NDUFB7: variants seen among roughly 807,000 people sequenced by gnomAD.
NDUFB7 encodes NADH dehydrogenase [ubiquinone] 1 beta subcomplex subunit 7.
In NDUFB7, 18 loss-of-function variants were observed where a neutral mutation model predicts 14.7. That is an observed-to-expected ratio of 1.22 (90% CI 0.85 to 1.81). NDUFB7 has a LOEUF of 1.81. NDUFB7 is among the 40% of genes most tolerant of loss of function. The probability of loss-of-function intolerance (pLI) is 0.00; values close to 1 mark genes in which losing one functional copy is unlikely to be tolerated. For missense variants in NDUFB7, 219 were observed against 195.0 expected (o/e 1.12, Z -0.73); for synonymous variants, 86 against 76.1 (o/e 1.13, Z -0.68).
At chr19:14,566,457 G>C (rs113437528) in intron 2 of NDUFB7, among the ~76,000 whole-genome samples, 192 bp from the exon 3 acceptor site, 4,979 of 151,904 alleles carry the variant, frequency 0.033, 271 homozygotes, top group African/African-American at 0.11. Context: ...CCTGGGCTTG[G>C]CCACTCCCCT....
chr19:14,569,156 A>G (rs2074110141), intron 1 of NDUFB7, among the ~76,000 whole-genome samples: 1 of 151,824 alleles, frequency 6.6e-6, no homozygotes, highest in Non-Finnish European at 1.5e-5. Context: ...GGAAAGGAGG[A>G]AAGAGAGGGC....
rs2074102224 is a variant in NDUFB7, at chr19:14,567,811, C to T, written c.113-878G>A. Among the ~76,000 whole-genome samples the T allele has an allele frequency of 6.6e-6, 1 of 152,148 alleles. No homozygotes were observed. Among genetic ancestry groups the T allele is most frequent in the African/African-American group, 2.4e-5 (1 of 41,436 alleles). ...GCTGGCTTCTCTCCCCTTTGCTTCC[C>T]AGCTGCGATTCTCTCATCCCACTGA... On this transcript the variant is annotated intron_variant, in intron 1 of 2. Coordinates refer to ENST00000215565, the MANE Select transcript of NDUFB7 (RefSeq NM_004146.6). The surrounding 1 kb of genome is among the most constrained non-coding windows in gnomAD (Gnocchi z 5.1).
In NDUFB7 at chr19:14,566,753, G is replaced by T. The variant is rs1020070816; in HGVS notation, c.281+12C>A. 1.9e-6 allele frequency: 3 copies of T among 1,540,314 alleles called. No homozygotes were observed. Among genetic ancestry groups the T allele is most frequent in the Non-Finnish European group, 2.6e-6 (3 of 1,145,310 alleles). ...GGGCCGGGGTGTTGGGGGCTGGTGT[G>T]GGGGTGCTCACTCGCGGTGCTCGCA... On this transcript the variant is annotated intron_variant, in intron 2 of 2. Transcript: ENST00000215565.
At position 14,572,037 on chromosome 19, in the gene NDUFB7, G is replaced by A. The variant is rs755855447; in HGVS notation, c.-37C>T. Reference sequence around the variant, plus strand: ...CTGCAGATCCCTGCAGCAGCCGAGGGTCACCTAGCTCCTACCCGGAACCAC... The same window carrying A: ...CTGCAGATCCCTGCAGCAGCCGAGGATCACCTAGCTCCTACCCGGAACCAC... On this transcript the variant is annotated 5_prime_UTR_variant, in exon 1 of 3. Transcript: ENST00000215565. 3.3e-6 allele frequency: 5 copies of A among 1,501,916 alleles called. No individual in the cohort carries two copies. Among genetic ancestry groups the A allele is most frequent in the Middle Eastern group, 1.8e-4 (1 of 5,538 alleles). 93.0% of individuals were successfully genotyped at this position (1,501,916 alleles called of 1,614,324 possible).
chr19:14,566,415 G>T, intron 2 of NDUFB7, 150 bp from the exon 3 acceptor site: 1 of 1,330,104 alleles, frequency 7.5e-7, no homozygotes, highest in Non-Finnish European at 1.0e-6. Context: ...TCTGGGGTCT[G>T]CCCACGCAGG....
intron 1 of NDUFB7, among the ~76,000 whole-genome samples, chr19:14,568,423 C>T (rs2074106095): frequency 6.6e-6 from 1 of 152,166 alleles, no homozygotes. Context: ...TCGCTTGAGC[C>T]CCAGGCCTGG....
intron 1 of NDUFB7, among the ~76,000 whole-genome samples, chr19:14,570,639 C>T (rs1412731005): frequency 6.6e-6 from 1 of 152,170 alleles, no homozygotes; most frequent in Non-Finnish European, 1.5e-5. Context: ...GACCGGCCAC[C>T]CTTCACGTCT....
chr19:14,566,834 C>G lies in NDUFB7; in HGVS notation c.212G>C (p.Arg71Pro). The G allele has an allele frequency of 2.6e-6, 4 of 1,556,824 alleles. No homozygotes were observed. Among genetic ancestry groups the G allele is most frequent in the South Asian group, 1.2e-5 (1 of 84,730 alleles). ...GGCCAGGAAGTTGGGGAAGCTGTCA[C>G]GCTTGCACTTGAGCAGCCGGATGAG... is the stretch of plus-strand genomic sequence containing the variant. ...HHLIRLLKCK[R>P]DSFPNFLACK... The change falls in exon 2 of 3, where the codon CGT becomes CCT. Residue 71 changes from arginine to proline, a missense_variant. By Grantham distance (103) the Arg-to-Pro change is moderately radical. Coordinates refer to ENST00000215565, the MANE Select transcript of NDUFB7 (RefSeq NM_004146.6).
chr19:14,569,569 G>A (rs2074112782), intron 1 of NDUFB7, among the ~76,000 whole-genome samples: 3 of 152,176 alleles, frequency 2.0e-5, no homozygotes, highest in Non-Finnish European at 4.4e-5. Flanking sequence ...AAGGGCAGCA[G>A]GTTGCTAGCG....
intron 1 of NDUFB7, among the ~76,000 whole-genome samples, chr19:14,570,072 A>G (rs544335804): frequency 1.3e-5 from 2 of 150,988 alleles, no homozygotes; most frequent in African/African-American, 4.9e-5. Flanking sequence ...TTGTATTTTT[A>G]GTAGAGTAGA....
chr19:14,567,751 G>A lies in NDUFB7; in HGVS notation c.113-818C>T, dbSNP rs1004670747. 2.6e-5 allele frequency among the ~76,000 whole-genome samples: 4 copies of A among 151,958 alleles called. No individual in the cohort carries two copies. The highest frequency in any genetic ancestry group is 5.9e-5 in the Non-Finnish European group (4 of 68,006). On this transcript the variant is annotated intron_variant, in intron 1 of 2. Transcript: ENST00000215565. This position sits in a 1 kb window ranked among gnomAD's most constrained non-coding sequence, Gnocchi z 5.1. ...TCCTTCCCATCTGCGCAAGTGAGACGAGATATATTCACATCTCAATGGCAG... is the reference window on the plus strand; with the variant it reads ...TCCTTCCCATCTGCGCAAGTGAGACAAGATATATTCACATCTCAATGGCAG...
rs558584053 is a variant in NDUFB7 at position 14,568,219 on chromosome 19, A to T, written c.113-1286T>A. 2.1e-3 allele frequency among the ~76,000 whole-genome samples: 322 copies of T among 152,142 alleles called. 1 individual carries two copies. The highest frequency in any genetic ancestry group is 3.9e-3 in the Non-Finnish European group (262 of 67,984). ...GCCACCATGCCCGACTAATTTTTGTATTTTTAGTAGAGATGGGGTTTCGCC... is the reference window on the plus strand; with the variant it reads ...GCCACCATGCCCGACTAATTTTTGTTTTTTTAGTAGAGATGGGGTTTCGCC... On this transcript the variant is annotated intron_variant, in intron 1 of 2. Transcript: ENST00000215565.
rs1290523993 is a variant in NDUFB7 at position 14,566,890 on chromosome 19, C to A, written c.156G>T (p.Arg52Ser). 1.9e-6 allele frequency: 3 copies of A among 1,582,560 alleles called. No individual in the cohort carries two copies. The highest frequency in any genetic ancestry group is 2.6e-6 in the Non-Finnish European group (3 of 1,167,614). ...GGGCGCAGTAGTCCCGCAGCTGGAG[C>A]CTCAGCTGCGCGTCCATCATCTCCT... ...TQQEMMDAQL[R>S]LQLRDYCAHH... Residue 52 changes from arginine to serine, a missense_variant, in exon 2 of 3, where the codon AGG (arginine) becomes AGT (serine). Coordinates refer to ENST00000215565, the MANE Select transcript of NDUFB7 (RefSeq NM_004146.6).
chr19:14,569,905 T>C (rs2074115413), intron 1 of NDUFB7, among the ~76,000 whole-genome samples: 1 of 152,040 alleles, frequency 6.6e-6, no homozygotes, highest in South Asian at 2.1e-4. Context: ...TTTTGTTTTG[T>C]TTTTTCAGAC....
chr19:14,571,708 G>C (rs1378040632), intron 1 of NDUFB7, among the ~76,000 whole-genome samples, 181 bp downstream of exon 1: 2 of 152,238 alleles, frequency 1.3e-5, no homozygotes, highest in Non-Finnish European at 2.9e-5. Flanking sequence ...CGTGCCCTTG[G>C]GCTGGAACGC....
chr19:14,566,272 G>A lies in NDUFB7; in HGVS notation c.282-7C>T. The A allele has an allele frequency of 1.2e-6, 2 of 1,613,846 alleles. No homozygotes were observed. Among genetic ancestry groups the A allele is most frequent in the Non-Finnish European group, 1.7e-6 (2 of 1,179,994 alleles). ...CTTCATGCGCATCACATAGCTGGGGGAAAAGCACGAGAGGGGCTGTCAGGG... is the reference window on the plus strand; with the variant it reads ...CTTCATGCGCATCACATAGCTGGGGAAAAAGCACGAGAGGGGCTGTCAGGG... On this transcript the variant is annotated splice_region_variant and splice_polypyrimidine_tract_variant and intron_variant, in intron 2 of 2. Transcript: ENST00000215565.
rs1035985628 is a variant in NDUFB7, at chr19:14,566,167, C to T, written c.380G>A (p.Gly127Glu). The T allele has an allele frequency of 2.5e-6, 4 of 1,613,166 alleles. No individual in the cohort carries two copies. In the African/African-American group the frequency reaches 5.3e-5, roughly 22 times the overall value. ...KKAAELAKGQ[G>E]PGEVDPKVAL ...CACCTTGGGGTCCACTTCCCCGGGTCCCTGGCCTTTGGCCAACTCTGCCGC... is the reference window on the plus strand; with the variant it reads ...CACCTTGGGGTCCACTTCCCCGGGTTCCTGGCCTTTGGCCAACTCTGCCGC... Residue 127 changes from glycine (G) to glutamate (E), a missense_variant, in exon 3 of 3, where the codon GGA becomes GAA. Physicochemically the swap from Gly to Glu is moderately conservative, Grantham distance 98. Coordinates refer to ENST00000215565, the MANE Select transcript of NDUFB7 (RefSeq NM_004146.6).
Position 14,567,939 on chromosome 19 carries a change from G to T in NDUFB7, c.113-1006C>A, listed in dbSNP as rs1374622188. On this transcript the variant is annotated intron_variant, in intron 1 of 2. Transcript: ENST00000215565. This position sits in a 1 kb window ranked among gnomAD's most constrained non-coding sequence, Gnocchi z 5.1. ...CTCACAGGGCCACCCAACAGCCCAG[G>T]ACCCCAGCCTCCCGCTTCCTTCTTT... 6.6e-6 allele frequency among the ~76,000 whole-genome samples: 1 copy of T among 151,822 alleles called. No individual in the cohort carries two copies. Among genetic ancestry groups the T allele is most frequent in the Non-Finnish European group, 1.5e-5 (1 of 67,918 alleles).
rs1198893323 is a variant in NDUFB7 at position 14,566,190 on chromosome 19, C to T, written c.357G>A (p.Ala119=). 20 of 1,613,684 alleles carry T rather than the reference C, an allele frequency of 1.2e-5. No individual in the cohort carries two copies. The highest frequency in any genetic ancestry group is 2.2e-5 in the East Asian group (1 of 44,850). ...GTCCCTGGCCTTTGGCCAACTCTGC[C>T]GCCTTCTTCTCCCGCCGCTTCTTCC... ...LQRKKRREKK[A]AELAKGQGPG... The change falls in exon 3 of 3, where the codon GCG becomes GCA. Residue 119 remains alanine, a synonymous_variant. Coordinates refer to ENST00000215565, the MANE Select transcript of NDUFB7 (RefSeq NM_004146.6).
Sources: allele counts gnomAD v4.1 joint callset (sites outside exome capture counted in the v4.1 genomes callset), GRCh38; gene constraint gnomAD v4.1.1; non-coding constraint Gnocchi (gnomAD v3.1); transcripts MANE v1.5; gene names NCBI Gene and HGNC (gene_info 2026-07-23, HGNC 2026-07-21).